Variants in IFT70A observed in about 807,000 individuals in gnomAD.
IFT70A encodes the protein intraflagellar transport protein 70A.
At chr2:177,614,453 T>G in the IFT70A span, 1 of 152,148 alleles carries the variant, frequency 6.6e-6, no homozygotes, top group Non-Finnish European at 1.5e-5. Context: ...TTCACTCTAT[T>G]CTACAACTTA....
chr2:177,618,657 G>A, the IFT70A span: 25 of 1,604,856 alleles, frequency 1.6e-5, no homozygotes, highest in Non-Finnish European at 2.0e-5. Flanking sequence ...ACACTAGCGC[G>A]GTAAACTCCC....
At chr2:177,618,180 G>A in the IFT70A span, 7 of 1,614,152 alleles carry the variant, frequency 4.3e-6, no homozygotes, top group Non-Finnish European at 5.9e-6. Flanking sequence ...AAAACTTGGA[G>A]CATGCAGCTT....
chr2:177,616,812 A>G, the IFT70A span: 2 of 1,601,938 alleles, frequency 1.2e-6, no homozygotes, highest in South Asian at 1.1e-5. Context: ...GGGGTTGTTC[A>G]ATAACAGCAG....
the IFT70A span, chr2:177,617,792 C>A: frequency 6.2e-7 from 1 of 1,614,140 alleles, no homozygotes; most frequent in Admixed American, 1.7e-5. Context: ...TCAAACCCTT[C>A]TGTAGGCCTG....
At chr2:177,615,611 C>G in the IFT70A span, 63 of 152,106 alleles carry the variant, frequency 4.1e-4, no homozygotes, top group African/African-American at 1.3e-3. Context: ...AGCCAAAATC[C>G]TAGAAAACAT....
chr2:177,618,118 G>A, the IFT70A span: 2 of 1,614,234 alleles, frequency 1.2e-6, no homozygotes, highest in Non-Finnish European at 1.7e-6. Flanking sequence ...ATAGGCCAAA[G>A]CCAGGTTGTA....
At chr2:177,613,530 C>T in the IFT70A span, 1 of 152,138 alleles carries the variant, frequency 6.6e-6, no homozygotes, top group Non-Finnish European at 1.5e-5. Flanking sequence ...AGAATTGGGA[C>T]TAAGACGTTG....
At chr2:177,618,517 G>A in the IFT70A span, 9 of 1,587,090 alleles carry the variant, frequency 5.7e-6, no homozygotes, top group African/African-American at 1.3e-5. Flanking sequence ...GGCCGCCAGC[G>A]CGAACTCCTG....
At chr2:177,618,505 T>G in the IFT70A span, 6 of 1,586,730 alleles carry the variant, frequency 3.8e-6, no homozygotes, top group African/African-American at 6.7e-5. Context: ...CTCATAGCAC[T>G]CGGCCGCCAG....
chr2:177,618,113 C>T, the IFT70A span: 6 of 1,614,106 alleles, frequency 3.7e-6, no homozygotes, highest in East Asian at 6.7e-5. Flanking sequence ...CTGTAATAGG[C>T]CAAAGCCAGG....
chr2:177,618,012 G>A, the IFT70A span: 1 of 1,614,242 alleles, frequency 6.2e-7, no homozygotes, highest in Non-Finnish European at 8.5e-7. Flanking sequence ...AGCCCTCGGT[G>A]GTCATGCCCA....
At chr2:177,616,985 G>T in the IFT70A span, 1 of 1,612,968 alleles carries the variant, frequency 6.2e-7, no homozygotes, top group Admixed American at 1.7e-5. Flanking sequence ...TTATTATAAG[G>T]CTCCAAGCTT....
At chr2:177,614,075 G>C in the IFT70A span, 1 of 152,078 alleles carries the variant, frequency 6.6e-6, no homozygotes, top group Admixed American at 6.5e-5. Context: ...TCAGTATGTG[G>C]TGGATCAATC....
chr2:177,618,232 T>C, the IFT70A span: 12 of 1,614,252 alleles, frequency 7.4e-6, no homozygotes, highest in Non-Finnish European at 1.0e-5. Flanking sequence ...CAGGTTGACC[T>C]GGCCATCGGT....
chr2:177,616,034 TAAG>T, the IFT70A span: 2 of 152,122 alleles, frequency 1.3e-5, no homozygotes. Context: ...TTATAAAACT[TAAG>T]AAGCAACCAA....
the IFT70A span, chr2:177,615,326 G>C: frequency 6.6e-6 from 1 of 152,236 alleles, no homozygotes; most frequent in East Asian, 1.9e-4. Context: ...TTTTTGGAAG[G>C]ATTAAAAGCA....
At chr2:177,617,928 T>G in the IFT70A span, 1 of 1,614,076 alleles carries the variant, frequency 6.2e-7, no homozygotes, top group Non-Finnish European at 8.5e-7. Flanking sequence ...ATTCTATGGC[T>G]GCCTTAAGGT....
At chr2:177,617,519 T>G in the IFT70A span, 1 of 1,614,230 alleles carries the variant, frequency 6.2e-7, no homozygotes, top group Non-Finnish European at 8.5e-7. Context: ...TGTACTTGCT[T>G]GGTGAGTCTC....
chr2:177,618,080 G>C, the IFT70A span: 9 of 1,614,106 alleles, frequency 5.6e-6, no homozygotes, highest in South Asian at 8.8e-5. Flanking sequence ...ATATGCTTCA[G>C]TGCTGAGGCA....
Sources: allele counts gnomAD v4.1 joint callset, GRCh38; gene constraint gnomAD v4.1.1; transcripts MANE v1.5; gene names NCBI Gene and HGNC (gene_info 2026-07-23, HGNC 2026-07-21).